TMEM120B: variants seen among roughly 807,000 people sequenced by gnomAD.
TMEM120B encodes the protein transmembrane protein 120B.
Under a neutral mutation model 55.5 loss-of-function variants are expected in TMEM120B, and 31 were observed. The ratio of observed to expected loss-of-function variants is 0.56; its 90% confidence interval spans 0.42 to 0.75. TMEM120B has a LOEUF of 0.75. Ranked by LOEUF, TMEM120B falls within the 30% of genes least tolerant of loss-of-function variation. The probability of loss-of-function intolerance (pLI) is 0.00; values close to 1 mark genes in which losing one functional copy is unlikely to be tolerated. For missense variants in TMEM120B, 399 were observed against 425.5 expected (o/e 0.94, Z 0.55); for synonymous variants, 203 against 176.3 (o/e 1.15, Z -1.20).
intron 4 of TMEM120B, among the ~76,000 whole-genome samples, 173 bp downstream of exon 4, chr12:121,750,612 C>A: frequency 7.2e-6 from 1 of 139,142 alleles, no homozygotes; most frequent in Non-Finnish European, 1.6e-5. Context: ...ACACCAACAC[C>A]AACACCAACA....
rs1874435722 is a variant in TMEM120B, at chr12:121,781,058, C to G, written c.*5336C>G. 1.2e-6 allele frequency: 2 copies of G among 1,613,828 alleles called. No individual in the cohort carries two copies. The highest frequency in any genetic ancestry group is 4.5e-5 in the East Asian group (2 of 44,884). On this transcript the variant is annotated 3_prime_UTR_variant, in exon 12 of 12. Coordinates refer to ENST00000449592, the MANE Select transcript of TMEM120B (RefSeq NM_001080825.2). Reference sequence around the variant, plus strand: ...GGTGCGGCCGGGCCCAGATGTGGGGCCACCACCCAGGAGGCCGGCCTCACC... The same window carrying G: ...GGTGCGGCCGGGCCCAGATGTGGGGGCACCACCCAGGAGGCCGGCCTCACC...
chr12:121,755,936 G>GC (rs796424885), intron 5 of TMEM120B, among the ~76,000 whole-genome samples: 1 of 152,058 alleles, frequency 6.6e-6, no homozygotes, highest in Admixed American at 6.6e-5. Context: ...GCTTGATAAA[G>GC]CCCCCCAGGA....
chr12:121,714,691 A>G (rs1894665183), intron 1 of TMEM120B, among the ~76,000 whole-genome samples: 1 of 150,140 alleles, frequency 6.7e-6, no homozygotes, highest in Admixed American at 6.7e-5. Flanking sequence ...TCTCCCAAGT[A>G]GCAGAGATTA....
intron 1 of TMEM120B, among the ~76,000 whole-genome samples, chr12:121,729,527 G>A (rs1171413413): frequency 6.6e-6 from 1 of 152,124 alleles, no homozygotes; most frequent in African/African-American, 2.4e-5. Flanking sequence ...GAAAGCAGGT[G>A]GGATGTGGTG....
rs780576247 is a variant in TMEM120B at position 121,773,440 on chromosome 12, ATAT to A, written c.705_707del (p.Tyr236del). ...CTGCAGGCTGCGTCCAGTTCCTGCA[ATAT>A]TATTACCAGAGGGGCTGCCTCTACC... On this transcript the variant is annotated inframe_deletion, in exon 9 of 12. Coordinates refer to ENST00000449592, the MANE Select transcript of TMEM120B (RefSeq NM_001080825.2). The A allele has an allele frequency of 1.2e-6, 2 of 1,611,176 alleles. No homozygotes were observed. Among genetic ancestry groups the A allele is most frequent in the African/African-American group, 1.3e-5 (1 of 74,762 alleles).
intron 1 of TMEM120B, among the ~76,000 whole-genome samples, chr12:121,724,669 C>T (rs998907967): frequency 4.0e-5 from 6 of 149,900 alleles, no homozygotes; most frequent in Admixed American, 2.0e-4. Flanking sequence ...GGAATGCAGT[C>T]GCGCAATCTC....
intron 1 of TMEM120B, among the ~76,000 whole-genome samples, chr12:121,716,309 C>CAAA (rs1278926360): frequency 7.4e-5 from 9 of 120,828 alleles, no homozygotes; most frequent in East Asian, 2.4e-4. Flanking sequence ...CCCTCTCTCT[C>CAAA]AAAAAAAAAA....
Position 121,755,057 on chromosome 12 carries a change from G to A in TMEM120B, c.461+2834G>A, listed in dbSNP as rs573952901. 5.9e-5 allele frequency among the ~76,000 whole-genome samples: 9 copies of A among 152,328 alleles called. 1 individual carries two copies. The highest frequency in any genetic ancestry group is 1.9e-4 in the African/African-American group (8 of 41,580). ...TGGTGCCTGTTTAAATATTAGCACC[G>A]GTTAGCATCACCGTTGTTTTGGGCT... On this transcript the variant is annotated intron_variant, in intron 5 of 11. Coordinates refer to ENST00000449592, the MANE Select transcript of TMEM120B (RefSeq NM_001080825.2).
At chr12:121,774,296 C>T (rs1029232437) in intron 9 of TMEM120B, among the ~76,000 whole-genome samples, 1 of 152,210 alleles carries the variant, frequency 6.6e-6, no homozygotes, top group Non-Finnish European at 1.5e-5. Context: ...CATCAAATTA[C>T]TCTCCTAAGT....
intron 10 of TMEM120B, 101 bp downstream of exon 10, chr12:121,774,823 G>GT: frequency 1.4e-6 from 2 of 1,416,772 alleles, no homozygotes; most frequent in Non-Finnish European, 1.9e-6. Flanking sequence ...TCCCCATGCT[G>GT]GGGCCCACAG....
At chr12:121,731,601 C>CTACA (rs556625480) in intron 1 of TMEM120B, among the ~76,000 whole-genome samples, 111 of 152,190 alleles carry the variant, frequency 7.3e-4, no homozygotes, top group African/African-American at 2.4e-3. Flanking sequence ...GGTTTGTAGC[C>CTACA]CAGGAGCAAT....
intron 2 of TMEM120B, among the ~76,000 whole-genome samples, chr12:121,748,122 GA>G (rs1873151725): frequency 1.4e-5 from 1 of 70,246 alleles, no homozygotes; most frequent in Non-Finnish European, 3.0e-5. Context: ...TAGAAGGTGG[GA>G]GGCTGGGGTA....
At chr12:121,762,030 C>T (rs144983829) in intron 6 of TMEM120B, among the ~76,000 whole-genome samples, 611 of 152,192 alleles carry the variant, frequency 4.0e-3, no homozygotes, top group Non-Finnish European at 5.4e-3. Context: ...CGGTGGCTCA[C>T]GCCTGTAATC....
chr12:121,721,804 C>CTTTTTTG (rs1894794190), intron 1 of TMEM120B, among the ~76,000 whole-genome samples: 1 of 91,878 alleles, frequency 1.1e-5, no homozygotes, highest in East Asian at 3.4e-4. Flanking sequence ...ATCAGTTCTA[C>CTTTTTTG]TTTTTTTTTT....
In TMEM120B at chr12:121,779,530, G is replaced by A. The variant is rs1272302891; in HGVS notation, c.*3808G>A. ...AGCAGGCAGAGCCGGCGCTTCTTCT[G>A]CCGTTGCGCCTTCTTCAGAGCGCTG... On this transcript the variant is annotated 3_prime_UTR_variant, in exon 12 of 12. Transcript: ENST00000449592. 2 of 1,612,748 alleles carry A rather than the reference G, an allele frequency of 1.2e-6. No homozygotes were observed. The highest frequency in any genetic ancestry group is 1.7e-6 in the Non-Finnish European group (2 of 1,179,394).
chr12:121,740,496 A>C (rs1244381643), intron 1 of TMEM120B, among the ~76,000 whole-genome samples: 1 of 151,896 alleles, frequency 6.6e-6, no homozygotes, highest in Non-Finnish European at 1.5e-5. Flanking sequence ...AAAAAAAAAA[A>C]CCAAAAAGCT....
intron 1 of TMEM120B, among the ~76,000 whole-genome samples, chr12:121,721,760 A>C (rs1464358508): frequency 7.0e-6 from 1 of 143,470 alleles, no homozygotes; most frequent in East Asian, 2.1e-4. Context: ...AAGCCACTGC[A>C]TTCAGCCCTG....
At chr12:121,742,296 C>T (rs879711346) in intron 1 of TMEM120B, among the ~76,000 whole-genome samples, 1 of 151,048 alleles carries the variant, frequency 6.6e-6, no homozygotes, top group Non-Finnish European at 1.5e-5. Context: ...AGCCACCGTG[C>T]CCGGCCTGAC....
intron 6 of TMEM120B, among the ~76,000 whole-genome samples, 167 bp downstream of exon 6, chr12:121,761,905 G>A (rs974556847): frequency 2.6e-5 from 4 of 152,110 alleles, no homozygotes; most frequent in Non-Finnish European, 4.4e-5. Flanking sequence ...CTGTTGATGC[G>A]GCAGCTCTTG....
Sources: gnomAD v4.1 joint callset for allele counts (sites outside exome capture counted in the v4.1 genomes callset) on GRCh38, gnomAD v4.1.1 for gene constraint, MANE v1.5 for transcripts, NCBI Gene and HGNC (gene_info 2026-07-23, HGNC 2026-07-21) for gene names.